Variants in RGSL1 observed in about 807,000 individuals in gnomAD.
RGSL1 encodes the protein regulator of G protein signaling like 1.
Under a neutral mutation model 124.7 loss-of-function variants are expected in RGSL1, and 97 were observed. That is an observed-to-expected ratio of 0.78 (90% CI 0.66 to 0.92). The LOEUF (loss-of-function observed/expected upper bound fraction) is 0.92, where lower values mean the gene tolerates loss of function less well. Among genes scored for constraint, RGSL1 ranks in the 40% least tolerant of loss-of-function variants. The pLI is 0.00. For synonymous variants in RGSL1, 424 were observed against 438.1 expected, an observed-to-expected ratio of 0.97 and a Z score of 0.40; for missense variants, 1,233 against 1,288.4, an observed-to-expected ratio of 0.96 and a Z score of 0.66.
chr1:182,456,906 G>A (rs976570748), intron 2 of RGSL1, among the ~76,000 whole-genome samples: 1 of 152,170 alleles, frequency 6.6e-6, no homozygotes, highest in Admixed American at 6.5e-5. Flanking sequence ...CAGCACTTTG[G>A]GAGGGCGAGG....
intron 2 of RGSL1, among the ~76,000 whole-genome samples, chr1:182,457,155 A>G (rs925286037): frequency 1.3e-5 from 2 of 151,918 alleles, no homozygotes; most frequent in African/African-American, 2.4e-5. Context: ...TCAAAAACAA[A>G]CAAACAAACA....
chr1:182,506,983 CTTTTTTT>C (rs71127304), intron 9 of RGSL1, among the ~76,000 whole-genome samples: 1 of 99,404 alleles, frequency 1.0e-5, no homozygotes, highest in African/African-American at 3.9e-5. Context: ...GCTCACCTTT[CTTTTTTT>C]TTTTTTTTTT....
At chr1:182,451,370 A>G (rs1002305170) in intron 1 of RGSL1, among the ~76,000 whole-genome samples, 8 of 152,066 alleles carry the variant, frequency 5.3e-5, no homozygotes, top group Non-Finnish European at 1.0e-4. Flanking sequence ...ACGTGATGGT[A>G]TAGGGAGATA....
At chr1:182,487,600 C>A (rs1203642134) in intron 6 of RGSL1, among the ~76,000 whole-genome samples, 1 of 152,196 alleles carries the variant, frequency 6.6e-6, no homozygotes, top group African/African-American at 2.4e-5. Flanking sequence ...CCTGGATTTC[C>A]CTGACTGAAT....
At chr1:182,549,779 T>TA (rs1414028354) in intron 17 of RGSL1, 1 of 152,206 alleles carries the variant, frequency 6.6e-6, no homozygotes, top group Non-Finnish European at 1.5e-5. Context: ...GATAATAAAC[T>TA]ATTTAATACA....
chr1:182,457,032 G>A lies in RGSL1; in HGVS notation c.97-1287G>A, dbSNP rs528737383. Among the ~76,000 whole-genome samples, 87 of 152,004 alleles carry A rather than the reference G, an allele frequency of 5.7e-4. 2 individuals carry two copies. In the South Asian group the frequency reaches 0.016, roughly 28 times the overall value. ...TATGGTGGCGCATGCCTGTAATCCC[G>A]GCTACTAGGGAGGCTGAGGTAGGAG... On this transcript the variant is annotated intron_variant, in intron 2 of 21. Coordinates refer to ENST00000294854, the MANE Select transcript of RGSL1 (RefSeq NM_001137669.2).
intron 8 of RGSL1, among the ~76,000 whole-genome samples, chr1:182,491,297 C>T (rs892190145): frequency 6.6e-6 from 1 of 152,080 alleles, no homozygotes; most frequent in Non-Finnish European, 1.5e-5. Flanking sequence ...CTCACTGCAA[C>T]CTCCACCTCC....
rs150680618 is a variant in RGSL1 at position 182,463,551 on chromosome 1, T to G, written c.301+3418T>G. Among the ~76,000 whole-genome samples, 26 of 152,302 alleles carry G rather than the reference T, an allele frequency of 1.7e-4. No individual in the cohort carries two copies. In the East Asian group the frequency reaches 4.8e-3, roughly 28 times the overall value. On this transcript the variant is annotated intron_variant, in intron 4 of 21. Coordinates refer to ENST00000294854, the MANE Select transcript of RGSL1 (RefSeq NM_001137669.2). The stretch of plus-strand genomic sequence containing the variant: ...TAGACTTTATTTAATTTATTTATTT[T>G]TATCCTACACTGTCTTCCCTCCCCT...
chr1:182,455,935 C>T (rs965441338), intron 2 of RGSL1, among the ~76,000 whole-genome samples: 1 of 152,120 alleles, frequency 6.6e-6, no homozygotes, highest in Non-Finnish European at 1.5e-5. Flanking sequence ...CTGCAGAGGT[C>T]TGGCCAATGG....
chr1:182,546,743 C>A (rs1660236008), intron 15 of RGSL1, among the ~76,000 whole-genome samples: 1 of 152,204 alleles, frequency 6.6e-6, no homozygotes, highest in Admixed American at 6.5e-5. Flanking sequence ...CCAAAACATT[C>A]TAACTTGTTT....
chr1:182,545,483 T>A (rs935008564), intron 15 of RGSL1, among the ~76,000 whole-genome samples: 1 of 152,224 alleles, frequency 6.6e-6, no homozygotes, highest in Non-Finnish European at 1.5e-5. Flanking sequence ...GTCTGTGCAC[T>A]CACTTTTACC....
intron 21 of RGSL1, among the ~76,000 whole-genome samples, chr1:182,558,915 C>T (rs114292501): frequency 6.0e-4 from 91 of 152,256 alleles, no homozygotes; most frequent in African/African-American, 2.1e-3. Context: ...GAGTTTAGAG[C>T]ATGGATATCC....
At chr1:182,503,510 G>A (rs1656559369) in intron 9 of RGSL1, among the ~76,000 whole-genome samples, 2 of 146,614 alleles carry the variant, frequency 1.4e-5, no homozygotes, top group African/African-American at 5.0e-5. Context: ...CATATTTGTG[G>A]GATCTAAAAA....
intron 9 of RGSL1, among the ~76,000 whole-genome samples, chr1:182,495,667 A>G (rs1320594338): frequency 6.6e-6 from 1 of 152,200 alleles, no homozygotes; most frequent in African/African-American, 2.4e-5. Flanking sequence ...ATCACCACTG[A>G]TAGAGGGCTT....
intron 6 of RGSL1, among the ~76,000 whole-genome samples, chr1:182,480,748 G>T (rs555899269): frequency 6.6e-6 from 1 of 152,204 alleles, no homozygotes; most frequent in East Asian, 1.9e-4. Flanking sequence ...GAGCCACCAC[G>T]CTTGGCCACA....
intron 4 of RGSL1, among the ~76,000 whole-genome samples, chr1:182,464,288 G>A (rs570977396): frequency 6.6e-6 from 1 of 152,202 alleles, no homozygotes; most frequent in African/African-American, 2.4e-5. Flanking sequence ...AAAAAGAACA[G>A]CAAATTAAAC....
At chr1:182,530,726 G>T in intron 12 of RGSL1, 64 bp from the exon 13 acceptor site, 1 of 1,458,010 alleles carries the variant, frequency 6.9e-7, no homozygotes, top group South Asian at 1.5e-5. Context: ...AGGTTTGCCT[G>T]GACTGTCATC....
At chr1:182,548,149 T>G (rs557347958) in intron 15 of RGSL1, among the ~76,000 whole-genome samples, 168 bp from the exon 16 acceptor site, 4 of 152,302 alleles carry the variant, frequency 2.6e-5, no homozygotes, top group South Asian at 2.1e-4. Flanking sequence ...CTGTGATAAG[T>G]GCTCAGTATT....
At chr1:182,550,015 G>A (rs954591500) in intron 17 of RGSL1, 1 of 152,208 alleles carries the variant, frequency 6.6e-6, no homozygotes, top group Non-Finnish European at 1.5e-5. Flanking sequence ...ATGCTTTAGG[G>A]ATTCTTTGGA....
Sources: gnomAD v4.1 joint callset for allele counts (sites outside exome capture counted in the v4.1 genomes callset) on GRCh38, gnomAD v4.1.1 for gene constraint, MANE v1.5 for transcripts, NCBI Gene and HGNC (gene_info 2026-07-23, HGNC 2026-07-21) for gene names.